The following TBCD variants were observed in gnomAD, a reference collection of about 807,000 sequenced individuals.
TBCD encodes tubulin folding cofactor D, also known as tubulin-specific chaperone D.
In TBCD, 105 loss-of-function variants were observed where a neutral mutation model predicts 169.3. That is an observed-to-expected ratio of 0.62 (90% CI 0.53 to 0.73). TBCD has a LOEUF of 0.73. Ranked by LOEUF, TBCD falls within the 30% of genes least tolerant of loss-of-function variation. The probability of loss-of-function intolerance (pLI) is 0.00; values close to 1 mark genes in which losing one functional copy is unlikely to be tolerated. For missense variants in TBCD, 1,444 were observed against 1,600.1 expected, an observed-to-expected ratio of 0.90 and a Z score of 1.66; for synonymous variants, 700 against 643.9, an observed-to-expected ratio of 1.09 and a Z score of -1.32.
chr17:82,777,579 G>C (rs112676070), intron 6 of TBCD, among the ~76,000 whole-genome samples: 3 of 151,918 alleles, frequency 2.0e-5, no homozygotes, highest in African/African-American at 7.2e-5. Context: ...CCTGGCAGCC[G>C]AGGCAGAGAG....
At chr17:82,844,929 A>G (rs2054873494) in intron 13 of TBCD, among the ~76,000 whole-genome samples, 1 of 152,108 alleles carries the variant, frequency 6.6e-6, no homozygotes. Flanking sequence ...CCCCCCACCC[A>G]CAGGTCGGGA....
intron 4 of TBCD, 43 bp from the exon 5 acceptor site, chr17:82,768,377 A>AT: frequency 6.2e-7 from 1 of 1,610,804 alleles, no homozygotes; most frequent in Non-Finnish European, 8.5e-7. Context: ...GTGGCCTGTG[A>AT]TTTTCAAGCA....
intron 7 of TBCD, among the ~76,000 whole-genome samples, chr17:82,784,940 G>C (rs559275974): frequency 9.3e-4 from 142 of 151,984 alleles, no homozygotes; most frequent in African/African-American, 2.7e-3. Context: ...GCAGCGACAG[G>C]GGGTCCATGC....
chr17:82,902,018 C>T (rs1264175646), intron 18 of TBCD, among the ~76,000 whole-genome samples: 2 of 152,214 alleles, frequency 1.3e-5, no homozygotes, highest in African/African-American at 4.8e-5. Context: ...CCCGTGGCGT[C>T]GGAGCTGTGG....
chr17:82,940,221 G>GCGCGCACACACACACACACACACACACA lies in TBCD; in HGVS notation c.3479+746_3479+747insGCGCACACACACACACACACACACACAC, dbSNP rs1356825330. 1.6e-4 allele frequency among the ~76,000 whole-genome samples: 21 copies of GCGCGCACACACACACACACACACACACA among 131,698 alleles called. 1 individual carries two copies. The highest frequency in any genetic ancestry group is 2.4e-4 in the Non-Finnish European group (14 of 57,416). 86.4% of individuals were successfully genotyped at this position (131,698 alleles called of 152,430 possible). A position where few individuals can be genotyped will look rare whatever the true frequency, so the allele number is the denominator to read the frequency against. On this transcript the variant is annotated intron_variant, in intron 37 of 38. Coordinates refer to ENST00000355528, the MANE Select transcript of TBCD (RefSeq NM_005993.5). ...CACACACATGCTCACTTGCACGCGCGCACACACACACACACACACACACAC... is the reference window on the plus strand; with the variant it reads ...CACACACATGCTCACTTGCACGCGCGCGCGCACACACACACACACACACACACACACACACACACACACACACACACAC...
intron 13 of TBCD, among the ~76,000 whole-genome samples, chr17:82,821,096 C>T (rs1393849125): frequency 6.9e-6 from 1 of 145,024 alleles, no homozygotes; most frequent in East Asian, 2.0e-4. Flanking sequence ...GCTGAGACCA[C>T]AGGCCTGCTG....
rs542850451 is a variant in TBCD at position 82,915,853 on chromosome 17, C to T, written c.2038+4064C>T. On this transcript the variant is annotated intron_variant, in intron 23 of 38. Coordinates refer to ENST00000355528, the MANE Select transcript of TBCD (RefSeq NM_005993.5). This position sits in a 1 kb window ranked among gnomAD's most constrained non-coding sequence, Gnocchi z 4.3. ...TGTGGAGGATCGTGACTTAGCAAGC[C>T]GGGGACACGCTGTTAATGGACTTCC... Among the ~76,000 whole-genome samples the T allele has an allele frequency of 6.6e-5, 10 of 152,252 alleles. 1 individual carries two copies. Among genetic ancestry groups the T allele is most frequent in the Middle Eastern group, 3.4e-3 (1 of 294 alleles).
In TBCD at chr17:82,930,335, C is replaced by A; in HGVS notation, c.2992-187C>A. On this transcript the variant is annotated intron_variant, in intron 32 of 38. Transcript: ENST00000355528. This position sits in a 1 kb window ranked among gnomAD's most constrained non-coding sequence, Gnocchi z 5.2. ...GCCGTTGCCGAGAGCCTTGTGTCTG[C>A]TTCGGGTGTCTGCACTGTGAGTGGC... 1 of 749,584 alleles carries A rather than the reference C, an allele frequency of 1.3e-6. No individual in the cohort carries two copies. The highest frequency in any genetic ancestry group is 2.1e-6 in the Non-Finnish European group (1 of 482,010). 46.4% of individuals were successfully genotyped at this position (749,584 alleles called of 1,614,324 possible). A position where few individuals can be genotyped will look rare whatever the true frequency, so the allele number is the denominator to read the frequency against.
chr17:82,879,059 C>CTTTTTTT (rs58480407), intron 14 of TBCD, among the ~76,000 whole-genome samples: 150 of 113,862 alleles, frequency 1.3e-3, no homozygotes, highest in South Asian at 2.3e-3. Context: ...AGATCCTGTT[C>CTTTTTTT]TTTTTTTTTT....
intron 14 of TBCD, among the ~76,000 whole-genome samples, chr17:82,870,856 T>C (rs576348723): frequency 1.6e-4 from 24 of 152,376 alleles, no homozygotes; most frequent in African/African-American, 5.5e-4. Flanking sequence ...ACAGCAGGCA[T>C]GTTGGACATG....
intron 13 of TBCD, among the ~76,000 whole-genome samples, chr17:82,817,333 A>G (rs1051455146): frequency 2.0e-5 from 3 of 151,650 alleles, no homozygotes; most frequent in African/African-American, 7.3e-5. Flanking sequence ...TCTCATTCCC[A>G]TCGCCCAGGC....
chr17:82,875,414 A>G (rs2057892022), intron 14 of TBCD, among the ~76,000 whole-genome samples: 1 of 152,228 alleles, frequency 6.6e-6, no homozygotes, highest in Non-Finnish European at 1.5e-5. Context: ...ATTTGCAAGA[A>G]GGAAAAGAAA....
intron 18 of TBCD, among the ~76,000 whole-genome samples, chr17:82,902,973 A>G (rs2059989432): frequency 6.6e-6 from 1 of 152,110 alleles, no homozygotes; most frequent in South Asian, 2.1e-4. Context: ...GGGTGCTTTC[A>G]GTGTGTGTCT....
chr17:82,899,085 G>A (rs962972689), intron 17 of TBCD, among the ~76,000 whole-genome samples: 1 of 152,288 alleles, frequency 6.6e-6, no homozygotes, highest in African/African-American at 2.4e-5. Flanking sequence ...TCTTTGCTCA[G>A]CGTAGTGCGC....
At chr17:82,830,585 G>T in intron 13 of TBCD, 2 of 1,614,072 alleles carry the variant, frequency 1.2e-6, no homozygotes, top group Non-Finnish European at 1.7e-6. Context: ...GCAGCAGCAG[G>T]TTCTGCAGCT....
intron 14 of TBCD, among the ~76,000 whole-genome samples, chr17:82,878,513 TCG>T (rs988934727): frequency 6.3e-5 from 6 of 95,632 alleles, no homozygotes; most frequent in East Asian, 4.0e-4. Context: ...TGATGCTTTC[TCG>T]TGTGTTACTG....
rs62076062 is a variant in TBCD at position 82,900,619 on chromosome 17, G to A, written c.1650-32G>A. The stretch of plus-strand genomic sequence containing the variant: ...AGGCAGTGAGTTCTCGTTCTTCCGC[G>A]TCTCACCACCTCTCCATGCTGTCTT... On this transcript the variant is annotated intron_variant, in intron 17 of 38. Coordinates refer to ENST00000355528, the MANE Select transcript of TBCD (RefSeq NM_005993.5). 5,830 of 1,588,140 alleles carry A rather than the reference G, an allele frequency of 3.7e-3. 20 individuals are homozygous for A. The highest frequency in any genetic ancestry group is 8.5e-3 in the Middle Eastern group (51 of 5,998).
chr17:82,924,991 T>C lies in TBCD; in HGVS notation c.2313T>C (p.Thr771=), dbSNP rs553037834. Residue 771 remains threonine (T), a synonymous_variant, in exon 27 of 39, where the codon ACT becomes ACC. Coordinates refer to ENST00000355528, the MANE Select transcript of TBCD (RefSeq NM_005993.5). Reference sequence around the variant, plus strand: ...AGCTTCGGAACCCCGAGGAGATGACTCGCTGTGGCTTCTCGTTGGCCTTGG... The same window carrying C: ...AGCTTCGGAACCCCGAGGAGATGACCCGCTGTGGCTTCTCGTTGGCCTTGG... The part of the protein sequence containing the change: ...LAELRNPEEM[T]RCGFSLALGA... 1.3e-6 allele frequency: 2 copies of C among 1,575,808 alleles called. 1 individual carries two copies. The highest frequency in any genetic ancestry group is 3.6e-5 in the Admixed American group (2 of 54,984).
chr17:82,814,995 G>T (rs1033060493), intron 13 of TBCD, 61 bp downstream of exon 13: 18 of 1,596,858 alleles, frequency 1.1e-5, no homozygotes, highest in South Asian at 1.1e-4. Context: ...GGCAGGAGAG[G>T]CCTGTTGCTG....
Sources: gnomAD v4.1 joint callset for allele counts (sites outside exome capture counted in the v4.1 genomes callset) on GRCh38, gnomAD v4.1.1 for gene constraint, Gnocchi (gnomAD v3.1) non-coding constraint, MANE v1.5 for transcripts, NCBI Gene and HGNC (gene_info 2026-07-23, HGNC 2026-07-21) for gene names.